Variants in TBC1D5 observed in about 807,000 individuals in gnomAD.
TBC1D5 encodes TBC1 domain family member 5.
In TBC1D5, 75 loss-of-function variants were observed where a neutral mutation model predicts 100.3. That is an observed-to-expected ratio of 0.75 (90% CI 0.62 to 0.91). The LOEUF (loss-of-function observed/expected upper bound fraction) is 0.91. TBC1D5 is among the 40% of genes least tolerant of loss of function. The pLI, the probability that TBC1D5 is intolerant of heterozygous loss-of-function variation, is 0.00. For missense variants in TBC1D5, 910 were observed against 942.4 expected (o/e 0.97, Z 0.45); for synonymous variants, 323 against 325.6 (o/e 0.99, Z 0.09).
intron 3 of TBC1D5, among the ~76,000 whole-genome samples, chr3:17,438,822 C>A (rs948503938): frequency 2.0e-5 from 3 of 151,962 alleles, no homozygotes; most frequent in Admixed American, 2.0e-4. Context: ...ATAAAACATA[C>A]CCTCCTCAAA....
At chr3:17,189,051 C>G (rs1257040713) in intron 18 of TBC1D5, among the ~76,000 whole-genome samples, 1 of 152,184 alleles carries the variant, frequency 6.6e-6, no homozygotes, top group Non-Finnish European at 1.5e-5. Context: ...CAGTTATTAG[C>G]TGTATAATCT....
chr3:17,345,657 C>T (rs1356008959), intron 13 of TBC1D5, among the ~76,000 whole-genome samples: 1 of 151,192 alleles, frequency 6.6e-6, no homozygotes. Context: ...ATAGCAAAGA[C>T]TTGGAACCAA....
At chr3:17,210,476 C>T (rs1243480265) in intron 18 of TBC1D5, among the ~76,000 whole-genome samples, 1 of 152,180 alleles carries the variant, frequency 6.6e-6, no homozygotes, top group East Asian at 1.9e-4. Flanking sequence ...GCATGAGTCA[C>T]CACGCCCAGC....
At chr3:17,183,187 T>C (rs754194512) in intron 19 of TBC1D5, among the ~76,000 whole-genome samples, 2 of 152,162 alleles carry the variant, frequency 1.3e-5, no homozygotes. Flanking sequence ...CTTAACCACC[T>C]GGAAGATAAG....
chr3:17,549,960 TA>T (rs2096458302), intron 2 of TBC1D5, among the ~76,000 whole-genome samples: 1 of 150,254 alleles, frequency 6.7e-6, no homozygotes, highest in African/African-American at 2.4e-5. Context: ...ATAGTAATAA[TA>T]AGAATAATAA....
intron 18 of TBC1D5, among the ~76,000 whole-genome samples, chr3:17,193,140 C>T (rs1415665318): frequency 1.3e-5 from 2 of 152,056 alleles, no homozygotes; most frequent in Admixed American, 1.3e-4. Context: ...TTGGGGTGGC[C>T]CGGTGAGGCA....
intron 2 of TBC1D5, among the ~76,000 whole-genome samples, chr3:17,614,997 T>C (rs2062023111): frequency 6.6e-6 from 1 of 152,240 alleles, no homozygotes; most frequent in Admixed American, 6.5e-5. Context: ...TTTTGCCCAT[T>C]CAATATGATA....
chr3:17,274,412 G>A (rs1050323710), intron 15 of TBC1D5, among the ~76,000 whole-genome samples: 1 of 152,204 alleles, frequency 6.6e-6, no homozygotes, highest in Non-Finnish European at 1.5e-5. Context: ...CAAATAAGAT[G>A]TTATTAATTA....
At chr3:17,691,750 G>A (rs2071198975) in intron 1 of TBC1D5, among the ~76,000 whole-genome samples, 1 of 151,894 alleles carries the variant, frequency 6.6e-6, no homozygotes, top group African/African-American at 2.4e-5. Context: ...CCGTGAGGCG[G>A]AGGTTGCAGT....
intron 17 of TBC1D5, among the ~76,000 whole-genome samples, chr3:17,235,886 T>C (rs1285629274): frequency 6.6e-6 from 1 of 151,938 alleles, no homozygotes; most frequent in East Asian, 1.9e-4. Flanking sequence ...ATCATTAATC[T>C]GAAGGTAAAC....
intron 13 of TBC1D5, among the ~76,000 whole-genome samples, chr3:17,356,905 C>A (rs1475352989): frequency 6.6e-6 from 1 of 151,922 alleles, no homozygotes; most frequent in Non-Finnish European, 1.5e-5. Flanking sequence ...AGATTTGGTA[C>A]AGGAGAATCA....
chr3:17,575,526 T>G (rs529782103), intron 2 of TBC1D5, among the ~76,000 whole-genome samples: 8 of 152,152 alleles, frequency 5.3e-5, no homozygotes, highest in Non-Finnish European at 8.8e-5. Context: ...GGTAGGCACA[T>G]CACCTCTACT....
intron 3 of TBC1D5, among the ~76,000 whole-genome samples, chr3:17,499,083 T>G (rs772205602): frequency 1.1e-3 from 165 of 152,200 alleles, no homozygotes; most frequent in Non-Finnish European, 2.0e-3. Context: ...ATTTTTTTCT[T>G]GCATTCCTCT....
chr3:17,428,942 T>C (rs193192257), intron 3 of TBC1D5, among the ~76,000 whole-genome samples: 10 of 152,124 alleles, frequency 6.6e-5, no homozygotes, highest in African/African-American at 1.9e-4. Flanking sequence ...CCTAGTTTGA[T>C]GCTCTCTAGG....
At chr3:17,728,342 A>G (rs1413743503) in intron 1 of TBC1D5, among the ~76,000 whole-genome samples, 1 of 152,148 alleles carries the variant, frequency 6.6e-6, no homozygotes, top group African/African-American at 2.4e-5. Context: ...ACATTCACCA[A>G]TGTTTGTAGG....
chr3:17,218,466 C>T (rs2126059965), intron 17 of TBC1D5, among the ~76,000 whole-genome samples: 1 of 151,986 alleles, frequency 6.6e-6, no homozygotes, highest in South Asian at 2.1e-4. Flanking sequence ...TTTATATTAT[C>T]TTTTATATTT....
At chr3:17,345,429 G>C (rs955021108) in intron 13 of TBC1D5, among the ~76,000 whole-genome samples, 3 of 152,032 alleles carry the variant, frequency 2.0e-5, no homozygotes, top group African/African-American at 4.8e-5. Flanking sequence ...AACAGGTGCT[G>C]GAGAGTATGT....
chr3:17,238,272 A>G, exon 17 of TBC1D5: 1 of 1,614,046 alleles, frequency 6.2e-7, no homozygotes, highest in South Asian at 1.1e-5. Flanking sequence ...TAGGAATTAC[A>G]ACAGAGGAGG....
At chr3:17,358,168 CTT>C (rs11412361) in intron 13 of TBC1D5, among the ~76,000 whole-genome samples, 2 of 151,066 alleles carry the variant, frequency 1.3e-5, no homozygotes, top group East Asian at 3.9e-4. Context: ...ACAATGTTCA[CTT>C]TTTTTTTGTT....
Sources: allele counts gnomAD v4.1 joint callset (sites outside exome capture counted in the v4.1 genomes callset), GRCh38; gene constraint gnomAD v4.1.1; transcripts MANE v1.5; gene names NCBI Gene and HGNC (gene_info 2026-07-23, HGNC 2026-07-21).